The following GNL2 variants were observed in gnomAD, a reference collection of about 807,000 sequenced individuals.
GNL2 encodes G protein nucleolar 2.
GNL2 carries 51 observed loss-of-function variants against 92.3 expected under a neutral mutation model. The observed-to-expected ratio is 0.55, with a 90% CI of 0.44 to 0.70. The LOEUF is 0.70. Ranked by LOEUF, GNL2 falls within the 30% of genes least tolerant of loss-of-function variation. GNL2 has a pLI of 0.00. For missense variants in GNL2, 844 were observed against 895.6 expected (o/e 0.94, Z 0.74); for synonymous variants, 283 against 300.6 (o/e 0.94, Z 0.61).
At chr1:37,595,020 T>C (rs1380776831) in intron 1 of GNL2, among the ~76,000 whole-genome samples, 1 of 152,244 alleles carries the variant, frequency 6.6e-6, no homozygotes, top group African/African-American at 2.4e-5. Context: ...TCTCTTCACC[T>C]GTAAAATCAT....
Position 37,566,872 on chromosome 1 carries a change from A to T in GNL2, c.2179T>A (p.Phe727Ile). The T allele has an allele frequency of 6.2e-7, 1 of 1,613,076 alleles. No individual in the cohort carries two copies. Among genetic ancestry groups the T allele is most frequent in the Non-Finnish European group, 8.5e-7 (1 of 1,179,724 alleles). ...SEGQKHKRKK[F>I]RQKQ ...TTTAAACATTACTGCTTTTGTCTGA[A>T]TTTTTTGCGTTTGTGTTTCTGTCCC... is the stretch of plus-strand genomic sequence containing the variant. Residue 727 changes from phenylalanine to isoleucine, a missense_variant, in exon 16 of 16, where the codon TTC (phenylalanine) becomes ATC (isoleucine). Phe to Ile is a conservative substitution (Grantham distance 21, BLOSUM62 0). Transcript: ENST00000373062.
In GNL2 at chr1:37,574,758, T is replaced by C; in HGVS notation, c.1209A>G (p.Pro403=). The change falls in exon 11 of 16, where the codon CCA becomes CCG. Residue 403 remains proline (P), a synonymous_variant. Coordinates refer to ENST00000373062, the MANE Select transcript of GNL2 (RefSeq NM_013285.3). ...TCTTGTATGTTTTGCTGATATATTC[T>C]GGCTTTGCTCGTTCAAGTACAGCAC... ...HIGAVLERAK[P]EYISKTYKID... is the part of the protein sequence containing the mutation. 1.9e-6 allele frequency: 3 copies of C among 1,613,824 alleles called. No homozygotes were observed. Among genetic ancestry groups the C allele is most frequent in the Non-Finnish European group, 2.5e-6 (3 of 1,179,634 alleles).
At chr1:37,592,638 A>T in intron 3 of GNL2, 74 bp downstream of exon 3, 1 of 814,876 alleles carries the variant, frequency 1.2e-6, no homozygotes, top group Non-Finnish European at 2.1e-6. Context: ...CCTGCTGTTT[A>T]GACATTTAAA....
At chr1:37,590,538 C>T (rs1643881495) in intron 4 of GNL2, among the ~76,000 whole-genome samples, 168 bp downstream of exon 4, 1 of 152,218 alleles carries the variant, frequency 6.6e-6, no homozygotes, top group African/African-American at 2.4e-5. Flanking sequence ...TACACTACTG[C>T]ACCTCATACT....
chr1:37,575,590 C>T lies in GNL2; in HGVS notation c.1143+5G>A, dbSNP rs1643665526. On this transcript the variant is annotated splice_donor_5th_base_variant and intron_variant, in intron 10 of 15. Transcript: ENST00000373062. This position sits in a 1 kb window ranked among gnomAD's most constrained non-coding sequence, Gnocchi z 4.1. ...ACAAACAGCCTATCAGGGCCAAATA[C>T]TCACAACTCCTTTTAGCACAATGTC... 2 of 1,555,050 alleles carry T rather than the reference C, an allele frequency of 1.3e-6. No individual in the cohort carries two copies. Among genetic ancestry groups the T allele is most frequent in the East Asian group, 4.7e-5 (2 of 42,724 alleles).
At position 37,587,486 on chromosome 1, in the gene GNL2, C is replaced by T. The variant is rs759384976; in HGVS notation, c.394G>A (p.Val132Met). The change falls in exon 5 of 16, where the codon GTG becomes ATG. Residue 132 changes from valine (V) to methionine (M), a missense_variant. By Grantham distance (21) the Val-to-Met change is conservative. Coordinates refer to ENST00000373062, the MANE Select transcript of GNL2 (RefSeq NM_013285.3). ...HDRIRPHNLK[V>M]HILDTESFET... ...AAACTTTCAGTATCAAGAATGTGCACCTTCAAGTTCTGAAGAGAAAGGAGA... is the reference window on the plus strand; with the variant it reads ...AAACTTTCAGTATCAAGAATGTGCATCTTCAAGTTCTGAAGAGAAAGGAGA... The T allele has an allele frequency of 6.2e-7, 1 of 1,606,754 alleles. No individual in the cohort carries two copies.
chr1:37,589,982 A>T (rs570563828), intron 4 of GNL2, among the ~76,000 whole-genome samples: 5 of 152,350 alleles, frequency 3.3e-5, no homozygotes, highest in Admixed American at 1.3e-4. Context: ...TACCAAAATA[A>T]ATAATATTAC....
At chr1:37,572,785 G>T (rs900800699) in intron 12 of GNL2, among the ~76,000 whole-genome samples, 2 of 152,186 alleles carry the variant, frequency 1.3e-5, no homozygotes, top group African/African-American at 4.8e-5. Context: ...AGTTAGCCGG[G>T]CGTAAGTGTG....
At chr1:37,580,036 A>G (rs1193687722) in intron 8 of GNL2, among the ~76,000 whole-genome samples, 2 of 152,232 alleles carry the variant, frequency 1.3e-5, no homozygotes, top group Non-Finnish European at 2.9e-5. Flanking sequence ...ATATCAGACT[A>G]AAGTCTCATC....
Position 37,592,640 on chromosome 1 carries a change from A to G in GNL2, c.244+72T>C, listed in dbSNP as rs1230655930. ...CTCACCAAAAACTCCTGCTGTTTAG[A>G]CATTTAAACATCCTAGCCGTTTCCA... On this transcript the variant is annotated intron_variant, in intron 3 of 15. Coordinates refer to ENST00000373062, the MANE Select transcript of GNL2 (RefSeq NM_013285.3). The G allele has an allele frequency of 9.7e-6, 8 of 824,422 alleles. No individual in the cohort carries two copies. The Admixed American group carries it at 1.6e-4, about 17-fold the overall frequency. The allele number at this position is 824,422 out of a possible 1,614,324, so 51.1% of individuals were successfully genotyped here. A position where few individuals can be genotyped will look rare whatever the true frequency, so the allele number is the denominator to read the frequency against.
At chr1:37,569,580 A>G in intron 12 of GNL2, 1 of 352,578 alleles carries the variant, frequency 2.8e-6, no homozygotes, top group Non-Finnish European at 5.2e-6. Flanking sequence ...TATCATAGAA[A>G]AGCAAGGCTC....
rs1214741023 is a variant in GNL2, at chr1:37,575,233, TAC to T, written c.1143+360_1143+361del. Among the ~76,000 whole-genome samples, 1 of 152,232 alleles carries T rather than the reference TAC, an allele frequency of 6.6e-6. No individual in the cohort carries two copies. The highest frequency in any genetic ancestry group is 1.5e-5 in the Non-Finnish European group (1 of 68,038). On this transcript the variant is annotated intron_variant, in intron 10 of 15. Coordinates refer to ENST00000373062, the MANE Select transcript of GNL2 (RefSeq NM_013285.3). The surrounding 1 kb of genome is among the most constrained non-coding windows in gnomAD (Gnocchi z 4.1). ...ATGGTCAAGGTTAAGTGGAACCATT[TAC>T]AGTTTTTCAGTCGTATTCAGAAACA...
chr1:37,582,193 C>T (rs1375864420), intron 8 of GNL2, 30 bp downstream of exon 8: 2 of 1,421,766 alleles, frequency 1.4e-6, no homozygotes, highest in East Asian at 4.6e-5. Flanking sequence ...AGCTACACAA[C>T]TCCAGGAGAA....
chr1:37,578,842 G>C (rs1570058241), intron 8 of GNL2, among the ~76,000 whole-genome samples: 1 of 152,276 alleles, frequency 6.6e-6, no homozygotes, highest in East Asian at 1.9e-4. Context: ...TTATAGGCAT[G>C]AGCCACTCTA....
At chr1:37,594,652 C>T (rs1005594454) in intron 1 of GNL2, among the ~76,000 whole-genome samples, 8 of 152,208 alleles carry the variant, frequency 5.3e-5, no homozygotes, top group Admixed American at 2.6e-4. Flanking sequence ...TGCAATTCTT[C>T]CACCTCAGCC....
At position 37,593,859 on chromosome 1, in the gene GNL2, G is replaced by T; in HGVS notation, c.65-13C>A. The T allele has an allele frequency of 6.3e-7, 1 of 1,593,216 alleles. No homozygotes were observed. The highest frequency in any genetic ancestry group is 8.6e-7 in the Non-Finnish European group (1 of 1,161,222). On this transcript the variant is annotated splice_polypyrimidine_tract_variant and intron_variant, in intron 1 of 15. Transcript: ENST00000373062. ...CCCTGCACTCGATCTACAAAAGGCA[G>T]AAGTACACAGTGCACTATTTGATAA...
At chr1:37,572,829 C>CT (rs1333796252) in intron 12 of GNL2, among the ~76,000 whole-genome samples, 1 of 152,182 alleles carries the variant, frequency 6.6e-6, no homozygotes, top group African/African-American at 2.4e-5. Context: ...AGCAGGGGAC[C>CT]TAGTCCTTAA....
At chr1:37,576,995 C>A (rs1326333395) in intron 8 of GNL2, among the ~76,000 whole-genome samples, 2 of 151,976 alleles carry the variant, frequency 1.3e-5, no homozygotes, top group Non-Finnish European at 2.9e-5. Context: ...GCCTGTAATC[C>A]CAGCTACTTG....
chr1:37,577,173 T>A (rs987095079), intron 8 of GNL2, among the ~76,000 whole-genome samples: 1 of 151,336 alleles, frequency 6.6e-6, no homozygotes, highest in Non-Finnish European at 1.5e-5. Flanking sequence ...AACAATGCCA[T>A]CTATTGATAA....
Sources: gnomAD v4.1 joint callset for allele counts (sites outside exome capture counted in the v4.1 genomes callset) on GRCh38, gnomAD v4.1.1 for gene constraint, Gnocchi (gnomAD v3.1) non-coding constraint, MANE v1.5 for transcripts, NCBI Gene and HGNC (gene_info 2026-07-23, HGNC 2026-07-21) for gene names.